FRY: variants seen among roughly 807,000 people sequenced by gnomAD.
FRY encodes FRY microtubule binding protein, also known as protein furry homolog.
In FRY, 128 loss-of-function variants were observed where a neutral mutation model predicts 348.4. The ratio of observed to expected loss-of-function variants is 0.37; its 90% CI spans 0.32 to 0.43. FRY has a LOEUF of 0.43. Ranked by LOEUF, FRY falls within the 20% of genes least tolerant of loss-of-function variation. The pLI is 1.00. For missense variants in FRY, 2,736 were observed against 3,695.2 expected, an observed-to-expected ratio of 0.74 and a Z score of 6.73; for synonymous variants, 1,370 against 1,374.7, an observed-to-expected ratio of 1.00 and a Z score of 0.08.
Position 32,234,623 on chromosome 13 carries a change from C to T in FRY, c.5577C>T (p.Leu1859=), listed in dbSNP as rs751713617. Residue 1859 remains leucine (L), a synonymous_variant, in exon 42 of 61, where the codon CTC becomes CTT. Coordinates refer to ENST00000542859, the MANE Select transcript of FRY (RefSeq NM_023037.3). ...GTGAAGTTGCATTGCAGACAGCCCTCGCAAGCTCTTCAAGGCACTATGCTG... is the reference window on the plus strand; with the variant it reads ...GTGAAGTTGCATTGCAGACAGCCCTTGCAAGCTCTTCAAGGCACTATGCTG... The part of the protein sequence containing the change: ...QLSEVALQTA[L]ASSSRHYAGR... The T allele has an allele frequency of 8.7e-6, 14 of 1,614,010 alleles. No homozygotes were observed. Among genetic ancestry groups the T allele is most frequent in the Middle Eastern group, 1.6e-4 (1 of 6,076 alleles).
chr13:32,225,135 A>T, intron 38 of FRY, 99 bp downstream of exon 38: 1 of 767,368 alleles, frequency 1.3e-6, no homozygotes, highest in Non-Finnish European at 2.3e-6. Context: ...TGTTTGACTC[A>T]TTTCGGGAAT....
chr13:32,201,005 C>T (rs1053925167), intron 29 of FRY, among the ~76,000 whole-genome samples: 4 of 152,148 alleles, frequency 2.6e-5, no homozygotes, highest in African/African-American at 9.7e-5. Flanking sequence ...AAAGTGAATG[C>T]CGTGGCCCCC....
chr13:32,180,689 T>C (rs1448180148), intron 23 of FRY, among the ~76,000 whole-genome samples: 1 of 152,210 alleles, frequency 6.6e-6, no homozygotes, highest in Non-Finnish European at 1.5e-5. Flanking sequence ...GTTAGTTTGG[T>C]TTGCCTCTGA....
chr13:32,061,129 A>G (rs745808415), intron 1 of FRY: 2 of 533,280 alleles, frequency 3.8e-6, no homozygotes, highest in Non-Finnish European at 7.7e-6. Context: ...CTTGTTGGAG[A>G]CGATCCTGTG....
intron 28 of FRY, among the ~76,000 whole-genome samples, chr13:32,187,989 C>A (rs1347975203): frequency 1.3e-5 from 2 of 151,998 alleles, no homozygotes; most frequent in Non-Finnish European, 2.9e-5. Flanking sequence ...TCCTGATAAC[C>A]AGTGAGTTGA....
rs183969788 is a variant in FRY, at chr13:32,126,089, T to A, written c.716+1214T>A. On this transcript the variant is annotated intron_variant, in intron 7 of 60. Transcript: ENST00000542859. ...CATTTTGGAGATATTTCCATTGCAA[T>A]TGAGTAATGAAAGCATTAGCATTTT... 2.7e-3 allele frequency among the ~76,000 whole-genome samples: 417 copies of A among 152,358 alleles called. 3 individuals carry two copies. The highest frequency in any genetic ancestry group is 9.6e-3 in the African/African-American group (399 of 41,594).
chr13:32,140,527 C>T (rs1445729753), intron 11 of FRY, among the ~76,000 whole-genome samples: 1 of 152,054 alleles, frequency 6.6e-6, no homozygotes, highest in East Asian at 1.9e-4. Context: ...GTAGCACTCC[C>T]TGGTCTCTTA....
intron 8 of FRY, 101 bp downstream of exon 8, chr13:32,131,941 C>A (rs946776066): frequency 3.4e-6 from 3 of 890,366 alleles, no homozygotes; most frequent in African/African-American, 3.3e-5. Context: ...CTTGTCAATA[C>A]GGAGAAACAT....
At chr13:32,273,157 A>G (rs1429258854) in intron 55 of FRY, among the ~76,000 whole-genome samples, 1 of 151,482 alleles carries the variant, frequency 6.6e-6, no homozygotes, top group African/African-American at 2.4e-5. Flanking sequence ...TAAACTTTGG[A>G]GTCAGACCCG....
intron 59 of FRY, among the ~76,000 whole-genome samples, chr13:32,292,655 G>T (rs936102466): frequency 1.3e-5 from 2 of 151,998 alleles, no homozygotes; most frequent in Admixed American, 1.3e-4. Flanking sequence ...AGCCAGGCAT[G>T]GTAGCCCGTG....
At chr13:32,034,977 A>G (rs1872434231) in intron 1 of FRY, among the ~76,000 whole-genome samples, 1 of 152,260 alleles carries the variant, frequency 6.6e-6, no homozygotes, top group African/African-American at 2.4e-5. Flanking sequence ...CGGACAGTTA[A>G]GTAATCACTC....
intron 28 of FRY, 77 bp from the exon 29 acceptor site, chr13:32,194,066 C>A: frequency 7.1e-7 from 1 of 1,401,256 alleles, no homozygotes; most frequent in East Asian, 2.3e-5. Context: ...TTTATATTGA[C>A]TAAGCTTTAT....
chr13:32,174,568 G>A (rs67058171), intron 19 of FRY, among the ~76,000 whole-genome samples: 19,035 of 152,194 alleles, frequency 0.13, 1,516 homozygotes, highest in African/African-American at 0.22. Flanking sequence ...GAGGCTTAGA[G>A]AGGTTAACTG....
At chr13:32,102,125 A>G (rs1877203843) in intron 3 of FRY, 109 bp downstream of exon 3, 5 of 755,010 alleles carry the variant, frequency 6.6e-6, no homozygotes, top group East Asian at 5.1e-5. Flanking sequence ...CAAAAAGTAT[A>G]TGGGTATGTG....
intron 50 of FRY, among the ~76,000 whole-genome samples, chr13:32,252,629 A>G (rs2138513149): frequency 6.6e-6 from 1 of 152,292 alleles, no homozygotes; most frequent in South Asian, 2.1e-4. Context: ...ATTATTTATG[A>G]AAAAGAAATA....
intron 1 of FRY, among the ~76,000 whole-genome samples, chr13:32,037,461 A>G (rs1172464844): frequency 3.3e-5 from 5 of 152,212 alleles, no homozygotes; most frequent in African/African-American, 1.2e-4. Flanking sequence ...TCTATAATTC[A>G]GGTATCTCAT....
rs544434666 is a variant in FRY, at chr13:32,048,227, G to A, written c.70+16362G>A. Among the ~76,000 whole-genome samples, 19 of 152,184 alleles carry A rather than the reference G, an allele frequency of 1.2e-4. No homozygotes were observed. The South Asian group carries it at 3.3e-3, about 27-fold the overall frequency. ...TGTGCCTAAACTTTGCTAGCATGTCGCCCCTCAGTGGATGAGCACCCAGCA... is the reference window on the plus strand; with the variant it reads ...TGTGCCTAAACTTTGCTAGCATGTCACCCCTCAGTGGATGAGCACCCAGCA... On this transcript the variant is annotated intron_variant, in intron 1 of 60. Transcript: ENST00000542859.
In FRY at chr13:32,183,516, G is replaced by A. The variant is rs561529229; in HGVS notation, c.3054+482G>A. ...AAAAGGGCCAGGCGCGATGGCGCAC[G>A]CCTGTAATCCCAGCATTTTGGGAGG... On this transcript the variant is annotated intron_variant, in intron 24 of 60. Coordinates refer to ENST00000542859, the MANE Select transcript of FRY (RefSeq NM_023037.3). 1.9e-3 allele frequency among the ~76,000 whole-genome samples: 294 copies of A among 152,350 alleles called. 1 individual carries two copies. The highest frequency in any genetic ancestry group is 7.2e-3 in the South Asian group (35 of 4,834).
At chr13:32,242,806 A>AT (rs1886588379) in intron 46 of FRY, among the ~76,000 whole-genome samples, 2 of 152,326 alleles carry the variant, frequency 1.3e-5, no homozygotes, top group Admixed American at 1.3e-4. Context: ...AAGTGCTGGG[A>AT]TTACAGGCAT....
Sources: gnomAD v4.1 joint callset for allele counts (sites outside exome capture counted in the v4.1 genomes callset) on GRCh38, gnomAD v4.1.1 for gene constraint, MANE v1.5 for transcripts, NCBI Gene and HGNC (gene_info 2026-07-23, HGNC 2026-07-21) for gene names.